The following GRK7 variants were observed in gnomAD, a reference collection of about 807,000 sequenced individuals.
GRK7 encodes the protein rhodopsin kinase GRK7.
A neutral mutation model predicts 34.1 loss-of-function variants in GRK7; 24 were observed. That is an observed-to-expected ratio of 0.70 (90% CI 0.51 to 0.99). The LOEUF (loss-of-function observed/expected upper bound fraction) is 0.99. GRK7 is among the 50% of genes least tolerant of loss of function. The pLI, the probability that GRK7 is intolerant of heterozygous loss-of-function variation, is 0.00. For missense variants in GRK7, 644 were observed against 707.3 expected (o/e 0.91, Z 1.02); for synonymous variants, 256 against 279.4 (o/e 0.92, Z 0.84).
chr3:141,780,850 A>G, intron 4 of GRK7, 39 bp downstream of exon 4: 1 of 1,557,098 alleles, frequency 6.4e-7, no homozygotes, highest in South Asian at 1.2e-5. Context: ...CGGGGCACAG[A>G]GTTGGAAAGG....
chr3:141,783,816 G>A (rs1354517503), intron 4 of GRK7, among the ~76,000 whole-genome samples: 2 of 152,096 alleles, frequency 1.3e-5, no homozygotes, highest in Non-Finnish European at 2.9e-5. Context: ...ATGTGGGGAG[G>A]AGCTGAAGTA....
Position 141,778,518 on chromosome 3 carries a change from C to T in GRK7, c.234C>T (p.Pro78=), listed in dbSNP as rs143028766. Residue 78 remains proline (P), a synonymous_variant, in exon 3 of 6, where the codon CCC becomes CCT. Transcript: ENST00000682958. This position sits in a 1 kb window ranked among gnomAD's most constrained non-coding sequence, Gnocchi z 4.1. ...RLFRDFLATV[P]TFRKAATFLE... Reference sequence around the variant, plus strand: ...TCCGTGACTTCCTAGCCACAGTGCCCACGTTCCGCAAGGCGGCAACCTTCC... The same window carrying T: ...TCCGTGACTTCCTAGCCACAGTGCCTACGTTCCGCAAGGCGGCAACCTTCC... 3.7e-6 allele frequency: 6 copies of T among 1,613,408 alleles called. No homozygotes were observed. The highest frequency in any genetic ancestry group is 1.1e-5 in the South Asian group (1 of 91,090).
intron 4 of GRK7, among the ~76,000 whole-genome samples, chr3:141,797,313 G>C (rs1283325871): frequency 6.6e-6 from 1 of 152,180 alleles, no homozygotes; most frequent in South Asian, 2.1e-4. Context: ...ACACTGCGGC[G>C]CTCCTGATTC....
rs1300185388 is a variant in GRK7, at chr3:141,819,102, C to A, written c.*2052C>A. ...AAGTTTGGTTAAGTTTTGAACAAGT[C>A]CCTTTTAACAAAAAAACTGATTGGT... On this transcript the variant is annotated 3_prime_UTR_variant, in exon 6 of 6. Transcript: ENST00000682958. Among the ~76,000 whole-genome samples the A allele has an allele frequency of 6.6e-6, 1 of 151,920 alleles. No individual in the cohort carries two copies. Among genetic ancestry groups the A allele is most frequent in the Non-Finnish European group, 1.5e-5 (1 of 67,982 alleles).
the GRK7 span, among the ~76,000 whole-genome samples, chr3:141,752,791 AC>A: frequency 6.6e-6 from 1 of 152,260 alleles, no homozygotes; most frequent in Non-Finnish European, 1.5e-5. Flanking sequence ...CAAAGTCCTA[AC>A]CCCCAATGTG....
At chr3:141,763,094 G>A (rs144658781), upstream of GRK7, among the ~76,000 whole-genome samples, 889 of 152,302 alleles carry the variant, frequency 5.8e-3, 1 homozygote, top group African/African-American at 0.02. Flanking sequence ...CTTCTGTGTC[G>A]CTCACGCTGG....
intron 4 of GRK7, among the ~76,000 whole-genome samples, chr3:141,791,322 C>T (rs1248785020): frequency 1.3e-5 from 2 of 152,064 alleles, no homozygotes; most frequent in Non-Finnish European, 2.9e-5. Context: ...GGAGTTAATG[C>T]CTCCATATGT....
intron 4 of GRK7, among the ~76,000 whole-genome samples, chr3:141,804,850 CAT>C (rs1234377265): frequency 6.6e-6 from 1 of 151,802 alleles, no homozygotes; most frequent in Non-Finnish European, 1.5e-5. Flanking sequence ...CACACATACA[CAT>C]ACACGCTCTC....
chr3:141,800,567 G>A (rs4234469), intron 4 of GRK7, among the ~76,000 whole-genome samples: 74,551 of 151,772 alleles, frequency 0.49, 19,688 homozygotes, highest in East Asian at 0.64. Context: ...AACAAATGCT[G>A]TAAATCAAGG....
intron 1 of GRK7, among the ~76,000 whole-genome samples, chr3:141,773,140 A>T (rs970530459): frequency 6.6e-6 from 1 of 151,830 alleles, no homozygotes; most frequent in Admixed American, 6.6e-5. Flanking sequence ...TGTCTCAAAA[A>T]AAAAAAAAAA....
chr3:141,788,839 A>AGT (rs1305488972), intron 4 of GRK7, among the ~76,000 whole-genome samples: 1 of 152,166 alleles, frequency 6.6e-6, no homozygotes, highest in Non-Finnish European at 1.5e-5. Flanking sequence ...GGAGGAAAGA[A>AGT]GTTTGCTGGT....
intron 2 of GRK7, among the ~76,000 whole-genome samples, chr3:141,777,322 C>CTTTTTTTGTTTTTTTTTTTTT (rs2084644231): frequency 1.9e-5 from 1 of 52,872 alleles, no homozygotes; most frequent in African/African-American, 9.0e-5. Flanking sequence ...GATGGCCCCT[C>CTTTTTTTGTTTTTTTTTTTTT]TTTTTTTTTT....
At chr3:141,777,322 C>CTTTTTTTTTTTTTTTTTTTG (rs2084644294) in intron 2 of GRK7, among the ~76,000 whole-genome samples, 1 of 52,872 alleles carries the variant, frequency 1.9e-5, no homozygotes, top group African/African-American at 9.0e-5. Flanking sequence ...GATGGCCCCT[C>CTTTTTTTTTTTTTTTTTTTG]TTTTTTTTTT....
chr3:141,764,038 C>A lies in GRK7; in HGVS notation c.-1915C>A, dbSNP rs2084569052. 6.6e-6 allele frequency among the ~76,000 whole-genome samples: 1 copy of A among 152,196 alleles called. No individual in the cohort carries two copies. Among genetic ancestry groups the A allele is most frequent in the Admixed American group, 6.5e-5 (1 of 15,280 alleles). On this transcript the variant is annotated 5_prime_UTR_variant, in exon 1 of 6. Transcript: ENST00000682958. ...TCCTTCCTTCCCTAAAAACACCCAG[C>A]TTTGAGTCTCATGTGACTGGACTCC...
intron 4 of GRK7, among the ~76,000 whole-genome samples, chr3:141,804,517 A>C (rs1156933014): frequency 6.6e-6 from 1 of 151,964 alleles, no homozygotes; most frequent in Admixed American, 6.6e-5. Context: ...GTGGCTCTTC[A>C]GTGAAGTATT....
At chr3:141,769,588 G>T (rs1195831154) in intron 1 of GRK7, among the ~76,000 whole-genome samples, 1 of 152,220 alleles carries the variant, frequency 6.6e-6, no homozygotes, top group African/African-American at 2.4e-5. Flanking sequence ...TTTGTTCTCA[G>T]ACACTTTCTC....
At chr3:141,792,931 G>A (rs1005933581) in intron 4 of GRK7, among the ~76,000 whole-genome samples, 8 of 152,132 alleles carry the variant, frequency 5.3e-5, no homozygotes, top group Non-Finnish European at 1.2e-4. Flanking sequence ...AAACCCAAAA[G>A]GGCAGGGTTC....
the GRK7 span, among the ~76,000 whole-genome samples, chr3:141,754,767 A>G: frequency 1.3e-5 from 2 of 152,298 alleles, no homozygotes; most frequent in East Asian, 1.9e-4. Flanking sequence ...GATATTAACA[A>G]TTAACAATTG....
upstream of GRK7, among the ~76,000 whole-genome samples, chr3:141,760,546 A>G (rs2084550882): frequency 7.2e-6 from 1 of 138,092 alleles, no homozygotes; most frequent in African/African-American, 2.7e-5. Flanking sequence ...TATGTGGTCA[A>G]TTTTGGAATA....
Sources: gnomAD v4.1 joint callset for allele counts (sites outside exome capture counted in the v4.1 genomes callset) on GRCh38, gnomAD v4.1.1 for gene constraint, Gnocchi (gnomAD v3.1) non-coding constraint, MANE v1.5 for transcripts, NCBI Gene and HGNC (gene_info 2026-07-23, HGNC 2026-07-21) for gene names.